The following UNC5C variants were observed in gnomAD, a reference collection of about 807,000 sequenced individuals.
UNC5C encodes the protein unc-5 netrin receptor C, also known as netrin receptor UNC5C.
A neutral mutation model predicts 99.8 loss-of-function variants in UNC5C; 47 were observed. That is an observed-to-expected ratio of 0.47 (90% CI 0.37 to 0.60). The LOEUF (loss-of-function observed/expected upper bound fraction) is 0.60, where lower values mean the gene tolerates loss of function less well. Among genes scored for constraint, UNC5C ranks in the 20% least tolerant of loss-of-function variants. UNC5C has a pLI of 0.00. For synonymous variants in UNC5C, 487 were observed against 452.2 expected (o/e 1.08, Z -0.98); for missense variants, 1,062 against 1,165.9 (o/e 0.91, Z 1.30).
chr4:95,205,300 C>T (rs374481515), intron 11 of UNC5C, among the ~76,000 whole-genome samples: 3 of 152,106 alleles, frequency 2.0e-5, no homozygotes, highest in Admixed American at 6.5e-5. Context: ...CGGATTAAGA[C>T]GGGATGTTTT....
intron 1 of UNC5C, among the ~76,000 whole-genome samples, chr4:95,444,986 G>T (rs546150593): frequency 6.6e-6 from 1 of 152,218 alleles, no homozygotes; most frequent in African/African-American, 2.4e-5. Flanking sequence ...ATGTCTGAGG[G>T]AACTAAACTG....
chr4:95,514,647 A>T (rs548720258), intron 1 of UNC5C, among the ~76,000 whole-genome samples: 2 of 147,362 alleles, frequency 1.4e-5, no homozygotes, highest in African/African-American at 2.5e-5. Context: ...TATTTATTTT[A>T]TATATATATA....
chr4:95,424,327 T>C (rs1011401016), intron 1 of UNC5C, among the ~76,000 whole-genome samples: 1 of 151,144 alleles, frequency 6.6e-6, no homozygotes, highest in Non-Finnish European at 1.5e-5. Flanking sequence ...TTACCATATA[T>C]ACGTGTCTGT....
At chr4:95,529,571 A>G (rs1283931870) in intron 1 of UNC5C, among the ~76,000 whole-genome samples, 1 of 151,618 alleles carries the variant, frequency 6.6e-6, no homozygotes, top group Non-Finnish European at 1.5e-5. Flanking sequence ...ACAAAAAACT[A>G]AAAAATCAGC....
chr4:95,216,814 C>T (rs1270610947), intron 9 of UNC5C, among the ~76,000 whole-genome samples: 3 of 152,248 alleles, frequency 2.0e-5, no homozygotes, highest in South Asian at 2.1e-4. Flanking sequence ...TCTAAGCTAA[C>T]TGTGTCTGCT....
At chr4:95,245,193 C>G in intron 5 of UNC5C, 49 bp from the exon 6 acceptor site, 1 of 1,550,106 alleles carries the variant, frequency 6.5e-7, no homozygotes, top group Non-Finnish European at 8.8e-7. Context: ...TGTGCATGCA[C>G]AACACACATG....
At position 95,495,284 on chromosome 4, in the gene UNC5C, G is replaced by C. The variant is rs545143170; in HGVS notation, c.124+53450C>G. On this transcript the variant is annotated intron_variant, in intron 1 of 15. Coordinates refer to ENST00000453304, the MANE Select transcript of UNC5C (RefSeq NM_003728.4). ...CAGCACTATATTCCTTTTATCACTT[G>C]TAACTCTGTCAGTTTTAAGACAAAT... 6.3e-4 allele frequency among the ~76,000 whole-genome samples: 96 copies of C among 151,384 alleles called. 1 individual carries two copies. Among genetic ancestry groups the C allele is most frequent in the Non-Finnish European group, 5.2e-4 (35 of 67,654 alleles).
intron 1 of UNC5C, among the ~76,000 whole-genome samples, chr4:95,405,356 C>A (rs1422607970): frequency 6.6e-6 from 1 of 152,154 alleles, no homozygotes; most frequent in African/African-American, 2.4e-5. Context: ...ACAGGTGAGC[C>A]ACACCTCTGT....
chr4:95,227,756 T>C (rs1285207112), intron 7 of UNC5C, among the ~76,000 whole-genome samples: 1 of 152,208 alleles, frequency 6.6e-6, no homozygotes, highest in Non-Finnish European at 1.5e-5. Context: ...AGTGTTGATA[T>C]TCTACCAACT....
chr4:95,321,397 G>A (rs912703747), intron 2 of UNC5C, among the ~76,000 whole-genome samples: 4 of 148,150 alleles, frequency 2.7e-5, no homozygotes, highest in Admixed American at 6.6e-5. Context: ...AAACAAAAAC[G>A]TTTATACGCA....
chr4:95,479,233 C>T (rs1271759098), intron 1 of UNC5C, among the ~76,000 whole-genome samples: 1 of 151,908 alleles, frequency 6.6e-6, no homozygotes, highest in Non-Finnish European at 1.5e-5. Context: ...CCAGATTTGT[C>T]TTGATTTCAA....
intron 1 of UNC5C, among the ~76,000 whole-genome samples, chr4:95,445,880 T>C (rs959042479): frequency 6.6e-6 from 1 of 152,044 alleles, no homozygotes; most frequent in African/African-American, 2.4e-5. Flanking sequence ...GCTTGCGATG[T>C]GACTCCCTGT....
At chr4:95,524,962 C>T (rs1396233214) in intron 1 of UNC5C, among the ~76,000 whole-genome samples, 2 of 152,130 alleles carry the variant, frequency 1.3e-5, no homozygotes, top group African/African-American at 4.8e-5. Context: ...CAAGTCAGTT[C>T]CCCATCTGGG....
chr4:95,432,836 C>G (rs1186589392), intron 1 of UNC5C, among the ~76,000 whole-genome samples: 13 of 152,054 alleles, frequency 8.5e-5, no homozygotes, highest in Non-Finnish European at 1.5e-5. Flanking sequence ...GCAAAATGCT[C>G]ATAGTGGGTA....
chr4:95,269,507 T>C (rs1257861015), intron 4 of UNC5C, among the ~76,000 whole-genome samples: 2 of 151,664 alleles, frequency 1.3e-5, no homozygotes, highest in Non-Finnish European at 2.9e-5. Flanking sequence ...AGGCTGGTCT[T>C]GAACTCCTAG....
chr4:95,304,763 T>C (rs1333504893), intron 2 of UNC5C, among the ~76,000 whole-genome samples: 1 of 152,228 alleles, frequency 6.6e-6, no homozygotes, highest in African/African-American at 2.4e-5. Flanking sequence ...AATGGTTCTT[T>C]ATACGATGCA....
At chr4:95,394,674 T>TGTGTGTGTGTGTGTGTGTGTGTGTGTGC (rs972166811) in intron 1 of UNC5C, among the ~76,000 whole-genome samples, 5 of 151,970 alleles carry the variant, frequency 3.3e-5, no homozygotes, top group African/African-American at 1.2e-4. Context: ...TGTGTGTGTG[T>TGTGTGTGTGTGTGTGTGTGTGTGTGTGC]GCTTTTCTCA....
At chr4:95,313,674 A>G (rs979845737) in intron 2 of UNC5C, among the ~76,000 whole-genome samples, 15 of 152,224 alleles carry the variant, frequency 9.9e-5, no homozygotes, top group African/African-American at 3.6e-4. Flanking sequence ...CAGTTCACAC[A>G]TAGTATGTTC....
chr4:95,247,563 G>A (rs1307133684), intron 5 of UNC5C, among the ~76,000 whole-genome samples: 1 of 152,150 alleles, frequency 6.6e-6, no homozygotes, highest in African/African-American at 2.4e-5. Context: ...GAAGATCGTA[G>A]GTTTATCCCT....
Sources: allele counts gnomAD v4.1 joint callset (sites outside exome capture counted in the v4.1 genomes callset), GRCh38; gene constraint gnomAD v4.1.1; transcripts MANE v1.5; gene names NCBI Gene and HGNC (gene_info 2026-07-23, HGNC 2026-07-21).